ST8SIA1: variants seen among roughly 807,000 people sequenced by gnomAD.
The protein encoded by ST8SIA1 is alpha-N-acetylneuraminide alpha-2,8-sialyltransferase.
ST8SIA1 carries 16 observed loss-of-function variants against 35.9 expected under a neutral mutation model. The observed-to-expected ratio is 0.45, with a 90% CI of 0.30 to 0.68. The LOEUF is 0.68. Ranked by LOEUF, ST8SIA1 falls within the 30% of genes least tolerant of loss-of-function variation. The pLI is 0.09. For missense variants in ST8SIA1, 383 were observed against 453.6 expected (o/e 0.84, Z 1.41); for synonymous variants, 170 against 169.6 (o/e 1.00, Z -0.02).
chr12:22,309,863 AGAT>A (rs747478311), intron 1 of ST8SIA1, among the ~76,000 whole-genome samples: 1 of 152,224 alleles, frequency 6.6e-6, no homozygotes, highest in Non-Finnish European at 1.5e-5. Context: ...TACTATGCAC[AGAT>A]GCTATGCCAT....
At chr12:22,301,755 T>C (rs1866320824) in intron 1 of ST8SIA1, among the ~76,000 whole-genome samples, 1 of 152,192 alleles carries the variant, frequency 6.6e-6, no homozygotes, top group Non-Finnish European at 1.5e-5. Flanking sequence ...GCAGTTCCTG[T>C]ACAGGGTTCC....
intron 1 of ST8SIA1, among the ~76,000 whole-genome samples, chr12:22,331,025 C>A (rs1332840628): frequency 6.6e-6 from 1 of 152,230 alleles, no homozygotes; most frequent in African/African-American, 2.4e-5. Flanking sequence ...AAAACTCTTA[C>A]AGCTTTCTTA....
At chr12:22,265,384 C>A (rs932446314) in intron 2 of ST8SIA1, among the ~76,000 whole-genome samples, 3 of 152,304 alleles carry the variant, frequency 2.0e-5, no homozygotes, top group African/African-American at 7.2e-5. Context: ...ATTGGAAATA[C>A]CACTGAAAGA....
intron 4 of ST8SIA1, among the ~76,000 whole-genome samples, chr12:22,221,564 T>G (rs1024865668): frequency 6.6e-6 from 1 of 152,284 alleles, no homozygotes. Flanking sequence ...AAGACTAAAT[T>G]ATACACTCAT....
chr12:22,325,752 G>A, intron 1 of ST8SIA1: 2 of 643,588 alleles, frequency 3.1e-6, no homozygotes, highest in Non-Finnish European at 5.5e-6. Flanking sequence ...AGTAAGAGAT[G>A]AACAATAATA....
In ST8SIA1 at chr12:22,285,877, C is replaced by CAAAAAAAACAAAAAAAACAAA. The variant is rs67273710; in HGVS notation, c.381+1271_381+1272insTTTGTTTTTTTTGTTTTTTTT. On this transcript the variant is annotated intron_variant, in intron 2 of 4. Coordinates refer to ENST00000396037, the MANE Select transcript of ST8SIA1 (RefSeq NM_003034.4). ...AGAGTAAGTAAGACTCTGTCAAAAA[C>CAAAAAAAACAAAAAAAACAAA]AAAAAAAAAAAAAAAAAAAGGACAT... is the stretch of plus-strand genomic sequence containing the variant. Among the ~76,000 whole-genome samples, 219 of 103,630 alleles carry CAAAAAAAACAAAAAAAACAAA rather than the reference C, an allele frequency of 2.1e-3. 1 individual carries two copies. Among genetic ancestry groups the CAAAAAAAACAAAAAAAACAAA allele is most frequent in the East Asian group, 4.1e-3 (13 of 3,156 alleles). The allele number at this position is 103,630 out of a possible 152,430, so 68.0% of individuals were successfully genotyped here. A position where few individuals can be genotyped will look rare whatever the true frequency, so the allele number is the denominator to read the frequency against.
Position 22,249,213 on chromosome 12 carries a change from G to GTTTTTTTTTTTTTTTTTTTTTTT in ST8SIA1, c.492-116_492-115insAAAAAAAAAAAAAAAAAAAAAAA. ...AGCTGAATTCACGAGTAACTGTTTT[G>GTTTTTTTTTTTTTTTTTTTTTTT]TTTTTTGTTTTTTTTTTTTTTTTGA... On this transcript the variant is annotated intron_variant, in intron 3 of 4. Transcript: ENST00000396037. 2 of 455,278 alleles carry GTTTTTTTTTTTTTTTTTTTTTTT rather than the reference G, an allele frequency of 4.4e-6. 1 individual carries two copies. The allele number at this position is 455,278 out of a possible 1,614,324, so 28.2% of individuals were successfully genotyped here. A position where few individuals can be genotyped will look rare whatever the true frequency, so the allele number is the denominator to read the frequency against.
chr12:22,270,004 T>C (rs553232853), intron 2 of ST8SIA1, among the ~76,000 whole-genome samples: 1 of 152,346 alleles, frequency 6.6e-6, no homozygotes, highest in South Asian at 2.1e-4. Context: ...AATGGGAATC[T>C]CCTTATACAC....
intron 2 of ST8SIA1, among the ~76,000 whole-genome samples, chr12:22,281,050 C>T (rs1366465005): frequency 6.6e-6 from 1 of 152,132 alleles, no homozygotes; most frequent in Non-Finnish European, 1.5e-5. Flanking sequence ...AAATTGATTT[C>T]ACCCTTTTTT....
chr12:22,304,071 T>C (rs1438540541), intron 1 of ST8SIA1, among the ~76,000 whole-genome samples: 1 of 152,214 alleles, frequency 6.6e-6, no homozygotes, highest in East Asian at 1.9e-4. Flanking sequence ...CATCTTTTTT[T>C]CCACCACAAT....
intron 4 of ST8SIA1, among the ~76,000 whole-genome samples, chr12:22,206,760 C>G (rs1461638276): frequency 6.6e-6 from 1 of 152,190 alleles, no homozygotes; most frequent in Non-Finnish European, 1.5e-5. Flanking sequence ...CAAGAACACA[C>G]AGCCAAGCTC....
chr12:22,272,489 G>A (rs1943476857), intron 2 of ST8SIA1, among the ~76,000 whole-genome samples: 1 of 152,174 alleles, frequency 6.6e-6, no homozygotes, highest in South Asian at 2.1e-4. Context: ...AGGTTGTTTG[G>A]GAACTATATT....
chr12:22,283,023 G>C (rs1285178973), intron 2 of ST8SIA1, among the ~76,000 whole-genome samples: 1 of 152,100 alleles, frequency 6.6e-6, no homozygotes, highest in East Asian at 1.9e-4. Flanking sequence ...TTTTAACAAG[G>C]CTATTTTGAC....
chr12:22,262,697 C>T (rs1865806255), intron 2 of ST8SIA1, among the ~76,000 whole-genome samples: 1 of 152,272 alleles, frequency 6.6e-6, no homozygotes, highest in South Asian at 2.1e-4. Flanking sequence ...TTGGATGCAA[C>T]AGTAATTTTC....
chr12:22,331,894 T>G (rs1866770735), intron 1 of ST8SIA1, among the ~76,000 whole-genome samples: 1 of 152,116 alleles, frequency 6.6e-6, no homozygotes, highest in South Asian at 2.1e-4. Flanking sequence ...GAAATATAAT[T>G]TATAACAATT....
intron 1 of ST8SIA1, among the ~76,000 whole-genome samples, chr12:22,306,421 GTACA>G (rs1413948608): frequency 6.6e-6 from 1 of 152,078 alleles, no homozygotes; most frequent in African/African-American, 2.4e-5. Context: ...TTGAGAAAGG[GTACA>G]AGCAAAGTAC....
chr12:22,196,449 T>C lies in ST8SIA1; in HGVS notation c.*5103A>G, dbSNP rs941728569. The C allele has an allele frequency of 1.3e-5, 2 of 152,190 alleles. No individual in the cohort carries two copies. Among genetic ancestry groups the C allele is most frequent in the Non-Finnish European group, 2.9e-5 (2 of 68,030 alleles). The allele number at this position is 152,190 out of a possible 1,614,324, so 9.4% of individuals were successfully genotyped here. ...CTGAGGGTAAAGCAGATGGTATCCATTTTCTTATGATAGAAGGGAAAAAAA... is the reference window on the plus strand; with the variant it reads ...CTGAGGGTAAAGCAGATGGTATCCACTTTCTTATGATAGAAGGGAAAAAAA... On this transcript the variant is annotated 3_prime_UTR_variant, in exon 5 of 5. Coordinates refer to ENST00000396037, the MANE Select transcript of ST8SIA1 (RefSeq NM_003034.4).
At chr12:22,319,400 A>C (rs895004492) in intron 1 of ST8SIA1, among the ~76,000 whole-genome samples, 1 of 152,240 alleles carries the variant, frequency 6.6e-6, no homozygotes, top group African/African-American at 2.4e-5. Flanking sequence ...CTGTTTTAAA[A>C]GTCCAAAGAG....
chr12:22,254,535 A>G (rs1011471278), intron 3 of ST8SIA1, among the ~76,000 whole-genome samples: 9 of 152,228 alleles, frequency 5.9e-5, no homozygotes, highest in Non-Finnish European at 1.2e-4. Context: ...TCACCCAGAT[A>G]ATCCCAAACC....
Sources: gnomAD v4.1 joint callset for allele counts (sites outside exome capture counted in the v4.1 genomes callset) on GRCh38, gnomAD v4.1.1 for gene constraint, MANE v1.5 for transcripts, NCBI Gene and HGNC (gene_info 2026-07-23, HGNC 2026-07-21) for gene names.